The following TTC28 variants were observed in gnomAD, a reference collection of about 807,000 sequenced individuals.
The protein encoded by TTC28 is tetratricopeptide repeat domain 28.
In TTC28, 61 loss-of-function variants were observed where a neutral mutation model predicts 198.0. That is an observed-to-expected ratio of 0.31 (90% confidence interval 0.25 to 0.38). The LOEUF is 0.38. TTC28 is among the 10% of genes least tolerant of loss of function. The pLI is 1.00. For synonymous variants in TTC28, 1,171 were observed against 1,297.8 expected (o/e 0.90, Z 2.10); for missense variants, 2,678 against 3,164.0 (o/e 0.85, Z 3.69).
intron 6 of TTC28, among the ~76,000 whole-genome samples, chr22:28,116,947 T>G (rs1415768992): frequency 1.3e-5 from 2 of 152,200 alleles, no homozygotes; most frequent in East Asian, 1.9e-4. Context: ...TCCTATTCAC[T>G]TGGCTTGGAT....
chr22:28,612,438 A>C (rs2050834677), intron 2 of TTC28, among the ~76,000 whole-genome samples: 1 of 152,210 alleles, frequency 6.6e-6, no homozygotes, highest in African/African-American at 2.4e-5. Flanking sequence ...ATTAACAAGC[A>C]TATTCAGGAC....
In TTC28 at chr22:27,981,907, A is replaced by G. The variant is rs1442694122; in HGVS notation, c.*314T>C. ...CCAGAACCATGATCATTTTTGTACAAAATCCTGGTGAAGAATCATATCAAA... is the reference window on the plus strand; with the variant it reads ...CCAGAACCATGATCATTTTTGTACAGAATCCTGGTGAAGAATCATATCAAA... On this transcript the variant is annotated 3_prime_UTR_variant, in exon 23 of 23. Transcript: ENST00000397906. The G allele has an allele frequency of 2.8e-5, 8 of 290,280 alleles. No individual in the cohort carries two copies. The highest frequency in any genetic ancestry group is 5.1e-5 in the Non-Finnish European group (8 of 158,410). The allele number at this position is 290,280 out of a possible 1,614,324, so 18.0% of individuals were successfully genotyped here. A position where few individuals can be genotyped will look rare whatever the true frequency, so the allele number is the denominator to read the frequency against.
At chr22:28,403,948 A>G (rs1255221461) in intron 2 of TTC28, among the ~76,000 whole-genome samples, 3 of 152,184 alleles carry the variant, frequency 2.0e-5, no homozygotes, top group Non-Finnish European at 4.4e-5. Context: ...GTAAAGAAAC[A>G]TCTGCCCAAA....
intron 2 of TTC28, among the ~76,000 whole-genome samples, chr22:28,508,435 C>A (rs1344205916): frequency 6.6e-6 from 1 of 152,142 alleles, no homozygotes; most frequent in African/African-American, 2.4e-5. Flanking sequence ...AGGCACCTGC[C>A]AAGATGCCCG....
intron 6 of TTC28, among the ~76,000 whole-genome samples, chr22:28,121,472 C>T (rs1942785301): frequency 6.6e-6 from 1 of 152,224 alleles, no homozygotes; most frequent in Non-Finnish European, 1.5e-5. Context: ...AGTGAGGACA[C>T]TAAGGCAGAA....
intron 2 of TTC28, among the ~76,000 whole-genome samples, chr22:28,373,400 G>A (rs1312973150): frequency 1.3e-5 from 2 of 152,098 alleles, no homozygotes; most frequent in Admixed American, 1.3e-4. Context: ...AATATGCTAG[G>A]CTGCTTTGCT....
At chr22:28,629,302 C>T (rs2051130626) in intron 2 of TTC28, 1 of 450,096 alleles carries the variant, frequency 2.2e-6, no homozygotes, top group Non-Finnish European at 3.9e-6. Context: ...TCAAGCGGCA[C>T]AGATAAAAAA....
chr22:28,340,845 A>T (rs553311458), intron 2 of TTC28, among the ~76,000 whole-genome samples: 1 of 152,360 alleles, frequency 6.6e-6, no homozygotes, highest in African/African-American at 2.4e-5. Context: ...CCTAATAAAC[A>T]GGGTCTACAA....
At chr22:28,471,406 A>G (rs1222107788) in intron 2 of TTC28, among the ~76,000 whole-genome samples, 1 of 152,212 alleles carries the variant, frequency 6.6e-6, no homozygotes, top group Non-Finnish European at 1.5e-5. Flanking sequence ...ATCAGAAATA[A>G]AGATATAATT....
chr22:28,446,492 T>C (rs1474519928), intron 2 of TTC28, among the ~76,000 whole-genome samples: 1 of 152,136 alleles, frequency 6.6e-6, no homozygotes, highest in East Asian at 1.9e-4. Context: ...GGATCCCTCA[T>C]GAATGGTTTG....
intron 2 of TTC28, among the ~76,000 whole-genome samples, chr22:28,494,847 G>GA (rs917609677): frequency 4.0e-5 from 6 of 149,314 alleles, no homozygotes; most frequent in African/African-American, 1.2e-4. Context: ...GACTCAAGAA[G>GA]AAAAAAAAAT....
At chr22:28,073,847 C>A (rs927366950) in intron 12 of TTC28, among the ~76,000 whole-genome samples, 1 of 152,168 alleles carries the variant, frequency 6.6e-6, no homozygotes, top group Non-Finnish European at 1.5e-5. Context: ...TTAAGCTTAA[C>A]GGGCAGTATA....
chr22:28,653,324 C>T (rs185122463), intron 1 of TTC28, among the ~76,000 whole-genome samples: 15 of 152,034 alleles, frequency 9.9e-5, no homozygotes, highest in South Asian at 2.1e-4. Flanking sequence ...GGTAACATGG[C>T]GAAACCCCAT....
At chr22:28,070,704 T>G (rs1425397320) in intron 12 of TTC28, among the ~76,000 whole-genome samples, 3 of 152,182 alleles carry the variant, frequency 2.0e-5, no homozygotes, top group Non-Finnish European at 4.4e-5. Flanking sequence ...AAGTGGATAA[T>G]ATCTAAAGGA....
chr22:28,354,282 C>A (rs181791231), intron 2 of TTC28, among the ~76,000 whole-genome samples: 2 of 152,194 alleles, frequency 1.3e-5, no homozygotes, highest in Admixed American at 1.3e-4. Context: ...ACCCAAGTAT[C>A]CATCATCAAA....
chr22:28,596,350 G>T (rs975325962), intron 2 of TTC28, among the ~76,000 whole-genome samples: 1 of 152,160 alleles, frequency 6.6e-6, no homozygotes, highest in African/African-American at 2.4e-5. Context: ...GCAGAGACCA[G>T]ATCAGGGTTT....
At chr22:28,063,164 C>T (rs758296112) in intron 12 of TTC28, among the ~76,000 whole-genome samples, 6 of 152,042 alleles carry the variant, frequency 3.9e-5, no homozygotes, top group Non-Finnish European at 7.4e-5. Context: ...AGCTAAAGTC[C>T]CATGCATTTG....
intron 2 of TTC28, among the ~76,000 whole-genome samples, chr22:28,415,907 T>A (rs1161222265): frequency 1.3e-5 from 2 of 152,212 alleles, no homozygotes; most frequent in Middle Eastern, 3.2e-3. Flanking sequence ...TTCATAAAAT[T>A]TTTAAAATAC....
chr22:28,352,007 A>G lies in TTC28; in HGVS notation c.382-45364T>C, dbSNP rs563394622. 2.0e-5 allele frequency among the ~76,000 whole-genome samples: 3 copies of G among 152,288 alleles called. No homozygotes were observed. In the East Asian group the frequency reaches 5.8e-4, roughly 29 times the overall value. ...TACTCTGCTGTGTGTTCGTTTCTAG[A>G]TATTCTCCCCTCTACAACCCACCCT... On this transcript the variant is annotated intron_variant, in intron 2 of 22. Transcript: ENST00000397906.
Sources: allele counts gnomAD v4.1 joint callset (sites outside exome capture counted in the v4.1 genomes callset), GRCh38; gene constraint gnomAD v4.1.1; transcripts MANE v1.5; gene names NCBI Gene and HGNC (gene_info 2026-07-23, HGNC 2026-07-21).